The following CD69 variants were observed in gnomAD, a reference collection of about 807,000 sequenced individuals.
The protein encoded by CD69 is early activation antigen CD69.
A neutral mutation model predicts 21.4 loss-of-function variants in CD69; 10 were observed. The ratio of observed to expected loss-of-function variants is 0.47; its 90% CI spans 0.29 to 0.79. The LOEUF (loss-of-function observed/expected upper bound fraction) is 0.79, where lower values mean the gene tolerates loss of function less well. CD69 is among the 30% of genes least tolerant of loss of function. The pLI, the probability that CD69 is intolerant of heterozygous loss-of-function variation, is 0.09. For synonymous variants in CD69, 63 were observed against 78.2 expected, an observed-to-expected ratio of 0.81 and a Z score of 1.03; for missense variants, 204 against 236.9, an observed-to-expected ratio of 0.86 and a Z score of 0.91.
chr12:9,759,484 G>GTTATTATTATTATTATTATTA (rs57945372), intron 1 of CD69, among the ~76,000 whole-genome samples: 5 of 148,288 alleles, frequency 3.4e-5, no homozygotes, highest in African/African-American at 1.2e-4. Context: ...TTATTGAGTA[G>GTTATTATTATTATTATTATTA]TTATTATTAT....
At chr12:9,760,104 C>T (rs765565405) in intron 1 of CD69, among the ~76,000 whole-genome samples, 4 of 151,708 alleles carry the variant, frequency 2.6e-5, no homozygotes, top group African/African-American at 4.8e-5. Context: ...ATTGCATTTT[C>T]GGGAATTCTT....
In CD69 at chr12:9,760,764, T is replaced by C. The variant is rs765627498; in HGVS notation, c.57A>G (p.Gly19=). ...CAATCAGATCTGACTTACTTTCTTG[T>C]CCACTCTCCGGATGCAAAGAGCTGT... ...AENSSLHPES[G]QENDATSPHF... The change falls in exon 1 of 5, where the codon GGA becomes GGG. Residue 19 remains glycine, a synonymous_variant. Coordinates refer to ENST00000228434, the MANE Select transcript of CD69 (RefSeq NM_001781.2). 2 of 1,612,278 alleles carry C rather than the reference T, an allele frequency of 1.2e-6. No homozygotes were observed. Among genetic ancestry groups the C allele is most frequent in the South Asian group, 2.2e-5 (2 of 91,058 alleles).
chr12:9,757,825 T>C (rs989597733), intron 1 of CD69, among the ~76,000 whole-genome samples: 1 of 152,242 alleles, frequency 6.6e-6, no homozygotes, highest in African/African-American at 2.4e-5. Context: ...GATTCAAATG[T>C]TGCTGGTCTT....
At chr12:9,754,801 A>G in intron 3 of CD69, 111 bp from the exon 4 acceptor site, 1 of 784,752 alleles carries the variant, frequency 1.3e-6, no homozygotes, top group South Asian at 1.5e-5. Flanking sequence ...TTATCTGACC[A>G]TGTACTCATT....
At chr12:9,758,873 G>A (rs1182327656) in intron 1 of CD69, among the ~76,000 whole-genome samples, 3 of 152,196 alleles carry the variant, frequency 2.0e-5, no homozygotes, top group African/African-American at 7.2e-5. Context: ...CAACGAGGGA[G>A]TAAGCTTTGG....
At chr12:9,758,987 T>TGG (rs201830729) in intron 1 of CD69, among the ~76,000 whole-genome samples, 37,875 of 147,834 alleles carry the variant, frequency 0.26, 5,900 homozygotes, top group East Asian at 0.51. Flanking sequence ...TGGAGTGCAG[T>TGG]TGCGTGATCT....
rs138724350 is a variant in CD69, at chr12:9,755,177, C to T, written c.272G>A (p.Gly91Asp). 717 of 1,614,022 alleles carry T rather than the reference C, an allele frequency of 4.4e-4. 2 individuals are homozygous for T. The African/African-American group carries it at 7.5e-3, about 17-fold the overall frequency. ...HVSSCSEDWV[G>D]YQRKCYFIST... ...AATAAAGTAGCATTTCCTCTGGTAGCCAACCCAGTCCTCAGAGCATGAAGA... is the reference window on the plus strand; with the variant it reads ...AATAAAGTAGCATTTCCTCTGGTAGTCAACCCAGTCCTCAGAGCATGAAGA... The change falls in exon 3 of 5, where the codon GGC (glycine) becomes GAC (aspartate). Residue 91 changes from glycine (G) to aspartate (D), a missense_variant. Coordinates refer to ENST00000228434, the MANE Select transcript of CD69 (RefSeq NM_001781.2).
chr12:9,759,222 A>T (rs777754529), intron 1 of CD69, among the ~76,000 whole-genome samples: 1 of 151,918 alleles, frequency 6.6e-6, no homozygotes, highest in South Asian at 2.1e-4. Flanking sequence ...GGCTATTGTT[A>T]CCCACAGCTT....
chr12:9,760,688 T>C (rs1188354198), intron 1 of CD69, 69 bp downstream of exon 1: 3 of 1,101,574 alleles, frequency 2.7e-6, no homozygotes, highest in Non-Finnish European at 4.2e-6. Flanking sequence ...CCAGTATATC[T>C]TGTATAACTA....
chr12:9,757,497 G>A (rs978714844), intron 1 of CD69, among the ~76,000 whole-genome samples: 22 of 152,028 alleles, frequency 1.4e-4, no homozygotes, highest in African/African-American at 5.1e-4. Context: ...CCAAATTCCA[G>A]AAATAATCCA....
intron 1 of CD69, among the ~76,000 whole-genome samples, chr12:9,759,929 A>G (rs1299988509): frequency 2.0e-5 from 3 of 152,244 alleles, no homozygotes. Context: ...TAGAATAGAC[A>G]AATAGAAGAG....
At position 9,756,436 on chromosome 12, in the gene CD69, T is replaced by G. The variant is rs760939200; in HGVS notation, c.65-17A>C. The stretch of plus-strand genomic sequence containing the variant: ...TGGCATCATCTGGAAGGGAGAAAGT[T>G]GATGATGAGTTCAGGCAGACTATAG... On this transcript the variant is annotated splice_polypyrimidine_tract_variant and intron_variant, in intron 1 of 4. Coordinates refer to ENST00000228434, the MANE Select transcript of CD69 (RefSeq NM_001781.2). 7 of 1,609,568 alleles carry G rather than the reference T, an allele frequency of 4.3e-6. No homozygotes were observed. The highest frequency in any genetic ancestry group is 5.9e-6 in the Non-Finnish European group (7 of 1,177,206).
Position 9,760,611 on chromosome 12 carries a change from A to T in CD69, c.64+146T>A, listed in dbSNP as rs1054073420. 2.1e-5 allele frequency: 11 copies of T among 533,370 alleles called. No homozygotes were observed. The East Asian group carries it at 3.2e-4, about 16-fold the overall frequency. The allele number at this position is 533,370 out of a possible 1,614,324, so 33.0% of individuals were successfully genotyped here. On this transcript the variant is annotated intron_variant, in intron 1 of 4. Transcript: ENST00000228434. ...CTCACTTCCTTCCCTAACAACCATT[A>T]GATATCACATACATAGAGATTAGCA...
At chr12:9,756,558 C>T (rs1168635866) in intron 1 of CD69, 139 bp from the exon 2 acceptor site, 1 of 706,910 alleles carries the variant, frequency 1.4e-6, no homozygotes, top group East Asian at 3.0e-5. Context: ...ATAGAAATTT[C>T]TAAGTTAATT....
Position 9,754,738 on chromosome 12 carries a change from G to A in CD69, c.388-48C>T, listed in dbSNP as rs142022544. The A allele has an allele frequency of 3.5e-4, 402 of 1,141,232 alleles. 5 individuals are homozygous for A. In the African/African-American group the frequency reaches 5.5e-3, roughly 16 times the overall value. 70.7% of individuals were successfully genotyped at this position (1,141,232 alleles called of 1,614,324 possible). On this transcript the variant is annotated intron_variant, in intron 3 of 4. Coordinates refer to ENST00000228434, the MANE Select transcript of CD69 (RefSeq NM_001781.2). ...TTGTTACATTAAACACCCTTCTGGG[G>A]AAGTAGATAGTAAATCCTGTTTCTC...
intron 2 of CD69, 42 bp from the exon 3 acceptor site, chr12:9,755,303 C>A: frequency 1.3e-6 from 2 of 1,503,510 alleles, no homozygotes; most frequent in South Asian, 1.1e-5. Flanking sequence ...CAAAAGAAAC[C>A]AAATACCCAC....
In CD69 at chr12:9,754,691, C is replaced by A; in HGVS notation, c.388-1G>T. 1 of 1,585,696 alleles carries A rather than the reference C, an allele frequency of 6.3e-7. No homozygotes were observed. The highest frequency in any genetic ancestry group is 1.1e-5 in the South Asian group (1 of 90,514). On this transcript the variant is annotated splice_acceptor_variant, in intron 3 of 4. Transcript: ENST00000228434. LOFTEE classifies it high-confidence loss of function. ...TACCTGCGTATCGTTTTAGAAAGTT[C>A]TTAAAGAAAGCACAAAGGAGTTTGT...
intron 1 of CD69, 24 bp from the exon 2 acceptor site, chr12:9,756,443 G>A: frequency 6.2e-7 from 1 of 1,607,068 alleles, no homozygotes; most frequent in Non-Finnish European, 8.5e-7. Context: ...AGTTGATGAT[G>A]AGTTCAGGCA....
intron 1 of CD69, among the ~76,000 whole-genome samples, 174 bp from the exon 2 acceptor site, chr12:9,756,593 A>C (rs1399405810): frequency 1.3e-5 from 2 of 152,170 alleles, no homozygotes; most frequent in African/African-American, 4.8e-5. Flanking sequence ...AGTGAATTTG[A>C]ATAGTTTATT....
Sources: gnomAD v4.1 joint callset for allele counts (sites outside exome capture counted in the v4.1 genomes callset) on GRCh38, gnomAD v4.1.1 for gene constraint, MANE v1.5 for transcripts, NCBI Gene and HGNC (gene_info 2026-07-23, HGNC 2026-07-21) for gene names.